The following CCZ1 variants were observed in gnomAD, a reference collection of about 807,000 sequenced individuals.
CCZ1 encodes the protein vacuolar fusion protein CCZ1 homolog.
In CCZ1, 19 loss-of-function variants were observed where a neutral mutation model predicts 57.8. The observed-to-expected ratio is 0.33, with a 90% CI of 0.23 to 0.48. CCZ1 has a LOEUF of 0.48. CCZ1 is among the 20% of genes least tolerant of loss of function. The pLI, the probability that CCZ1 is intolerant of heterozygous loss-of-function variation, is 0.99. For missense variants in CCZ1, 200 were observed against 492.0 expected, an observed-to-expected ratio of 0.41 and a Z score of 5.61; for synonymous variants, 81 against 167.0, an observed-to-expected ratio of 0.49 and a Z score of 3.97.
chr7:5,902,965 G>A (rs866430865), intron 6 of CCZ1, among the ~76,000 whole-genome samples: 13 of 148,476 alleles, frequency 8.8e-5, no homozygotes, highest in Non-Finnish European at 1.0e-4. Context: ...AGCTTCCTGC[G>A]TTTGCCCGGG....
intron 1 of CCZ1, 118 bp from the exon 2 acceptor site, chr7:5,900,166 T>C (rs1781649886): frequency 7.3e-7 from 1 of 1,363,390 alleles, no homozygotes; most frequent in African/African-American, 1.5e-5. Context: ...AAACCGGTTT[T>C]TGTTTTGTTT....
Position 5,905,209 on chromosome 7 carries a change from T to C in CCZ1, c.638T>C (p.Met213Thr). ...AAAATCCAGTCCTTTATTAATAGAATGGAGGAAAGCCTGAATATAGTCAAA... is the reference window on the plus strand; with the variant it reads ...AAAATCCAGTCCTTTATTAATAGAACGGAGGAAAGCCTGAATATAGTCAAA... The part of the protein sequence containing the change: ...YLKIQSFINR[M>T]EESLNIVKYT... Residue 213 changes from methionine (M) to threonine (T), a missense_variant, in exon 7 of 15, where the codon ATG (methionine) becomes ACG (threonine). Met to Thr is a moderately conservative substitution (Grantham distance 81, BLOSUM62 -1). Coordinates refer to ENST00000325974, the MANE Select transcript of CCZ1 (RefSeq NM_015622.6). 1.3e-6 allele frequency: 2 copies of C among 1,565,336 alleles called. No individual in the cohort carries two copies. Among genetic ancestry groups the C allele is most frequent in the Non-Finnish European group, 1.7e-6 (2 of 1,154,442 alleles).
At chr7:5,900,746 A>G in intron 3 of CCZ1, 109 bp from the exon 4 acceptor site, 1 of 1,569,154 alleles carries the variant, frequency 6.4e-7, no homozygotes, top group South Asian at 1.2e-5. Flanking sequence ...GGGCTGTTTT[A>G]AGAAGCTATG....
intron 8 of CCZ1, 142 bp from the exon 9 acceptor site, chr7:5,911,719 C>G: frequency 7.5e-7 from 1 of 1,326,396 alleles, no homozygotes; most frequent in Non-Finnish European, 1.0e-6. Context: ...CGCATTCCAG[C>G]CTGGGCAACA....
chr7:5,902,705 C>T lies in CCZ1; in HGVS notation c.483C>T (p.Val161=), dbSNP rs957369411. The change falls in exon 6 of 15, where the codon GTC becomes GTT. Residue 161 remains valine, a synonymous_variant. Coordinates refer to ENST00000325974, the MANE Select transcript of CCZ1 (RefSeq NM_015622.6). The part of the protein sequence containing the change: ...TFLKAMEDGG[V]KLLKERLEKF... ...TGAAAGCCATGGAAGACGGAGGCGT[C>T]AAGCTTCTGAAAGAAAGATTAGAGA... 1.9e-6 allele frequency: 3 copies of T among 1,592,774 alleles called. No homozygotes were observed. The highest frequency in any genetic ancestry group is 2.6e-6 in the Non-Finnish European group (3 of 1,176,198).
At position 5,909,038 on chromosome 7, in the gene CCZ1, A is replaced by T. The variant is rs539932673; in HGVS notation, c.699-997A>T. Among the ~76,000 whole-genome samples, 21 of 146,618 alleles carry T rather than the reference A, an allele frequency of 1.4e-4. 1 individual carries two copies. In the East Asian group the frequency reaches 1.8e-3, roughly 13 times the overall value. On this transcript the variant is annotated intron_variant, in intron 7 of 14. Coordinates refer to ENST00000325974, the MANE Select transcript of CCZ1 (RefSeq NM_015622.6). ...GAGACATCTGCTCCTAAAATGAAAC[A>T]GTGTGGCTTTGGAGGTTTCCTGCAT...
intron 9 of CCZ1, 109 bp from the exon 10 acceptor site, chr7:5,912,734 C>T (rs1779064610): frequency 8.1e-7 from 1 of 1,239,428 alleles, no homozygotes; most frequent in Non-Finnish European, 1.2e-6. Context: ...CAAATAGCAC[C>T]TGGCATCAAA....
At chr7:5,904,971 C>T (rs117402320) in intron 6 of CCZ1, 123 bp from the exon 7 acceptor site, 51,786 of 1,263,516 alleles carry the variant, frequency 0.041, 2,607 homozygotes, top group Middle Eastern at 0.062. Flanking sequence ...CATTGTTGCG[C>T]TGTTTGCTAG....
intron 7 of CCZ1, among the ~76,000 whole-genome samples, chr7:5,906,323 C>CTTTTT (rs398066572): frequency 4.5e-4 from 57 of 128,018 alleles, no homozygotes; most frequent in South Asian, 5.3e-4. Context: ...TTCTTTCTTT[C>CTTTTT]TTTTTTTTTT....
intron 8 of CCZ1, among the ~76,000 whole-genome samples, chr7:5,910,420 G>A (rs1307242152): frequency 6.7e-6 from 1 of 149,250 alleles, no homozygotes; most frequent in Non-Finnish European, 1.5e-5. Flanking sequence ...GGGATGGAGA[G>A]GTTCAAGCAA....
chr7:5,910,652 G>A (rs1450805358), intron 8 of CCZ1, among the ~76,000 whole-genome samples: 3 of 145,792 alleles, frequency 2.1e-5, no homozygotes, highest in African/African-American at 7.5e-5. Flanking sequence ...AGAGGAGTGA[G>A]TCATTGAGTA....
chr7:5,908,688 G>A (rs1272025524), intron 7 of CCZ1, among the ~76,000 whole-genome samples: 3 of 146,010 alleles, frequency 2.1e-5, no homozygotes, highest in Non-Finnish European at 3.0e-5. Flanking sequence ...CCACCTTCAC[G>A]GTATTTCAGT....
At position 5,910,104 on chromosome 7, in the gene CCZ1, C is replaced by G. The variant is rs766538451; in HGVS notation, c.768C>G (p.His256Gln). Reference protein sequence around the residue: ...KYLTTSLFPRHIEPELAGRDS... With the variant: ...KYLTTSLFPRQIEPELAGRDS... ...TTACCACCTCCCTTTTTCCAAGGCA[C>G]ATCGAACCTGAGGTATGATGGGTAC... Residue 256 changes from histidine to glutamine, a missense_variant, in exon 8 of 15, where the codon CAC becomes CAG. His to Gln is a conservative substitution (Grantham distance 24). This residue lies in a region of CCZ1 where 128 missense variants were observed against 178.4 expected (regional missense o/e 0.72). Transcript: ENST00000325974. The G allele has an allele frequency of 8.3e-6, 13 of 1,572,262 alleles. No homozygotes were observed. Among genetic ancestry groups the G allele is most frequent in the Non-Finnish European group, 1.0e-5 (12 of 1,147,516 alleles).
intron 10 of CCZ1, among the ~76,000 whole-genome samples, chr7:5,915,441 C>T (rs1329795923): frequency 7.3e-6 from 1 of 137,298 alleles, no homozygotes; most frequent in Non-Finnish European, 1.6e-5. Flanking sequence ...AATATGCTGT[C>T]GGCTGCATTT....
intron 12 of CCZ1, among the ~76,000 whole-genome samples, chr7:5,920,731 C>G (rs528851938): frequency 1.2e-3 from 157 of 133,554 alleles, no homozygotes; most frequent in African/African-American, 4.0e-3. Context: ...CTCAGCCTCC[C>G]AAAGTGCTGG....
intron 7 of CCZ1, among the ~76,000 whole-genome samples, chr7:5,906,325 T>TTC (rs1357310315): frequency 7.2e-5 from 6 of 82,964 alleles, no homozygotes; most frequent in South Asian, 3.6e-4. Context: ...CTTTCTTTCT[T>TTC]TTTTTTTTTT....
intron 12 of CCZ1, among the ~76,000 whole-genome samples, chr7:5,921,209 G>A (rs1463377970): frequency 1.5e-5 from 2 of 132,562 alleles, no homozygotes; most frequent in Admixed American, 7.6e-5. Flanking sequence ...GATGACAGGC[G>A]TGAGCCACCG....
chr7:5,900,376 T>C lies in CCZ1; in HGVS notation c.213T>C (p.Phe71=), dbSNP rs772185789. Residue 71 remains phenylalanine (F), a synonymous_variant, in exon 2 of 15, where the codon TTT becomes TTC. Transcript: ENST00000325974. ...GATTGTGTGAAGCTATTGTACAGTT[T>C]ACAAGGTAATACCTCTAAGTGTGCT... The part of the protein sequence containing the change: ...NVGLCEAIVQ[F]TRTFSPSKPA... The C allele has an allele frequency of 4.5e-6, 7 of 1,560,760 alleles. 1 individual carries two copies. The highest frequency in any genetic ancestry group is 6.1e-6 in the Non-Finnish European group (7 of 1,150,794).
intron 6 of CCZ1, among the ~76,000 whole-genome samples, chr7:5,904,088 ATT>A (rs746657675): frequency 1.1e-4 from 9 of 84,490 alleles, no homozygotes; most frequent in East Asian, 5.8e-4. Flanking sequence ...CAGGGAGTTA[ATT>A]TTTTTTTTTT....
Sources: gnomAD v4.1 joint callset for allele counts (sites outside exome capture counted in the v4.1 genomes callset) on GRCh38, gnomAD v4.1.1 for gene constraint, gnomAD v4.1.1 regional missense constraint, MANE v1.5 for transcripts, NCBI Gene and HGNC (gene_info 2026-07-23, HGNC 2026-07-21) for gene names.